PLTP: variants seen among roughly 807,000 people sequenced by gnomAD.
The protein encoded by PLTP is phospholipid transfer protein.
PLTP carries 43 observed loss-of-function variants against 54.1 expected under a neutral mutation model. That is an observed-to-expected ratio of 0.79 (90% CI 0.62 to 1.02). PLTP has a LOEUF of 1.02. Ranked by LOEUF, PLTP falls within the 50% of genes least tolerant of loss-of-function variation. PLTP has a pLI of 0.00. For synonymous variants in PLTP, 263 were observed against 264.6 expected (o/e 0.99, Z 0.06); for missense variants, 604 against 645.9 (o/e 0.94, Z 0.70).
In PLTP at chr20:45,899,611, C is replaced by T. The variant is rs780081043; in HGVS notation, c.1282+11G>A. ...CTCCTTTCTTCCTCCATCCTCACACCCCAGCCTTACCATTGAGCATGGGCA... is the reference window on the plus strand; with the variant it reads ...CTCCTTTCTTCCTCCATCCTCACACTCCAGCCTTACCATTGAGCATGGGCA... On this transcript the variant is annotated intron_variant, in intron 14 of 15. Transcript: ENST00000372431. The T allele has an allele frequency of 1.9e-6, 3 of 1,613,990 alleles. No individual in the cohort carries two copies. The highest frequency in any genetic ancestry group is 1.3e-5 in the African/African-American group (1 of 74,890).
chr20:45,909,953 G>A lies in PLTP; in HGVS notation c.318C>T (p.Leu106=). The A allele has an allele frequency of 1.2e-6, 2 of 1,614,080 alleles. No homozygotes were observed. Among genetic ancestry groups the A allele is most frequent in the Admixed American group, 1.7e-5 (1 of 60,024 alleles). ...SLGLRFRRQL[L]YWFFYDGGYI... is the part of the protein sequence containing the mutation. The stretch of plus-strand genomic sequence containing the variant: ...TGCTGGGTCCTTACAAGAACCAGTA[G>A]AGCAGCTGTCTCCGGAAGCGCAGCC... Residue 106 remains leucine, a synonymous_variant, in exon 4 of 16, where the codon CTC becomes CTT. Coordinates refer to ENST00000372431, the MANE Select transcript of PLTP (RefSeq NM_006227.4).
intron 5 of PLTP, among the ~76,000 whole-genome samples, chr20:45,909,046 C>T (rs1300450308): frequency 6.9e-6 from 1 of 145,568 alleles, no homozygotes; most frequent in Non-Finnish European, 1.5e-5. Flanking sequence ...CTCACTGCAA[C>T]CTCCGCCTCC....
Position 45,902,435 on chromosome 20 carries a change from C to T in PLTP, c.1107+5G>A, listed in dbSNP as rs376766817. 1.4e-5 allele frequency: 23 copies of T among 1,614,110 alleles called. No individual in the cohort carries two copies. The East Asian group carries it at 1.6e-4, about 11-fold the overall frequency. ...AGCCAGCAGCCCCCACTCTGGGACC[C>T]GTACCATAGTCATGCTGGACAGCTG... On this transcript the variant is annotated splice_donor_5th_base_variant and intron_variant, in intron 11 of 15. Coordinates refer to ENST00000372431, the MANE Select transcript of PLTP (RefSeq NM_006227.4).
rs373296330 is a variant in PLTP, at chr20:45,907,828, T to C, written c.549+13A>G. The C allele has an allele frequency of 1.2e-6, 2 of 1,603,986 alleles. No homozygotes were observed. Among genetic ancestry groups the C allele is most frequent in the African/African-American group, 2.7e-5 (2 of 74,856 alleles). ...CCCACCCTTGCCACCCTGCGACCTGTCGCTGCCCACACCTGCTGGTTGAGG... is the reference window on the plus strand; with the variant it reads ...CCCACCCTTGCCACCCTGCGACCTGCCGCTGCCCACACCTGCTGGTTGAGG... On this transcript the variant is annotated intron_variant, in intron 6 of 15. Coordinates refer to ENST00000372431, the MANE Select transcript of PLTP (RefSeq NM_006227.4).
Position 45,900,098 on chromosome 20 carries a change from C to CTT in PLTP, c.1176-222_1176-221dup, listed in dbSNP as rs71181874. Among the ~76,000 whole-genome samples, 34 of 55,742 alleles carry CTT rather than the reference C, an allele frequency of 6.1e-4. 1 individual carries two copies. Among genetic ancestry groups the CTT allele is most frequent in the East Asian group, 1.1e-3 (2 of 1,792 alleles). 36.6% of individuals were successfully genotyped at this position (55,742 alleles called of 152,430 possible). On this transcript the variant is annotated intron_variant, in intron 12 of 15. Transcript: ENST00000372431. ...GCTACTTTTTATTTATTGAGCACCT[C>CTT]TTTTTTTTTTTTTTTTTTTTTTTTT...
intron 7 of PLTP, among the ~76,000 whole-genome samples, chr20:45,907,214 C>T (rs189302225): frequency 1.3e-5 from 2 of 151,666 alleles, no homozygotes; most frequent in Non-Finnish European, 2.9e-5. Flanking sequence ...GTAGTCCCAG[C>T]TACTCGAGAT....
rs1442845802 is a variant in PLTP at position 45,911,229 on chromosome 20, A to C, written c.123T>G (p.Phe41Leu). 1 of 1,613,988 alleles carries C rather than the reference A, an allele frequency of 6.2e-7. No homozygotes were observed. The highest frequency in any genetic ancestry group is 8.5e-7 in the Non-Finnish European group (1 of 1,180,014). Residue 41 changes from phenylalanine (F) to leucine (L), a missense_variant, in exon 3 of 16, where the codon TTT (phenylalanine) becomes TTG (leucine). Coordinates refer to ENST00000372431, the MANE Select transcript of PLTP (RefSeq NM_006227.4). The part of the protein sequence containing the change: ...LELVKQEGLR[F>L]LEQELETITI... Reference sequence around the variant, plus strand: ...TGATAGTCTCCAGCTCTTGCTCCAGAAAGCGCAGCCCCTCCTGCTTCACTG... The same window carrying C: ...TGATAGTCTCCAGCTCTTGCTCCAGCAAGCGCAGCCCCTCCTGCTTCACTG...
intron 13 of PLTP, 58 bp from the exon 14 acceptor site, chr20:45,899,743 T>C: frequency 1.9e-6 from 3 of 1,609,578 alleles, no homozygotes; most frequent in Non-Finnish European, 2.6e-6. Flanking sequence ...TGCCTTTAGC[T>C]GCCCGCAGGT....
chr20:45,908,812 T>C (rs1449105343), intron 5 of PLTP, among the ~76,000 whole-genome samples: 2 of 151,578 alleles, frequency 1.3e-5, no homozygotes, highest in African/African-American at 4.8e-5. Flanking sequence ...AAAAAAAAAA[T>C]TATTATTTTT....
At chr20:45,899,719 G>A (rs774758139) in intron 13 of PLTP, 34 bp from the exon 14 acceptor site, 3 of 1,613,464 alleles carry the variant, frequency 1.9e-6, no homozygotes, top group Non-Finnish European at 1.7e-6. Context: ...AGGGCAGTGA[G>A]TCAGGGTTGG....
At chr20:45,906,447 T>C in intron 7 of PLTP, 88 bp from the exon 8 acceptor site, 1 of 938,128 alleles carries the variant, frequency 1.1e-6, no homozygotes, top group Non-Finnish European at 1.7e-6. Context: ...ACCCATAAAA[T>C]GAGGATACAT....
intron 10 of PLTP, among the ~76,000 whole-genome samples, 172 bp from the exon 11 acceptor site, chr20:45,902,776 C>A (rs1162972995): frequency 6.6e-6 from 1 of 152,370 alleles, no homozygotes; most frequent in African/African-American, 2.4e-5. Context: ...AGCCTTCATG[C>A]CTTTGCCACA....
At chr20:45,900,982 T>G (rs2083179253) in intron 12 of PLTP, among the ~76,000 whole-genome samples, 1 of 152,226 alleles carries the variant, frequency 6.6e-6, no homozygotes, top group Admixed American at 6.5e-5. Flanking sequence ...GTAATTTGCC[T>G]GAAGTCACAC....
chr20:45,908,645 C>CA (rs976212051), intron 5 of PLTP, among the ~76,000 whole-genome samples: 1 of 151,754 alleles, frequency 6.6e-6, no homozygotes, highest in African/African-American at 2.4e-5. Context: ...ACTAAAAATA[C>CA]AAAAAAAGTA....
chr20:45,910,855 A>C, intron 3 of PLTP: 1 of 1,302,418 alleles, frequency 7.7e-7, no homozygotes. Flanking sequence ...TCTATTGGGA[A>C]GTTCCTTGAC....
intron 10 of PLTP, among the ~76,000 whole-genome samples, chr20:45,904,355 A>G (rs573104172): frequency 6.6e-6 from 1 of 152,152 alleles, no homozygotes; most frequent in African/African-American, 2.4e-5. Flanking sequence ...CCAGCTACTC[A>G]AGAGGCTGAA....
chr20:45,911,735 C>T (rs2083296098), intron 1 of PLTP: 1 of 539,712 alleles, frequency 1.9e-6, no homozygotes, highest in South Asian at 2.0e-5. Context: ...GAGTTTGGAC[C>T]TCCAGGGGAC....
Position 45,899,079 on chromosome 20 carries a change from G to C in PLTP, c.1360-16C>G. 1 of 1,614,122 alleles carries C rather than the reference G, an allele frequency of 6.2e-7. No individual in the cohort carries two copies. The highest frequency in any genetic ancestry group is 1.1e-5 in the South Asian group (1 of 91,082). On this transcript the variant is annotated splice_polypyrimidine_tract_variant and intron_variant, in intron 15 of 15. Transcript: ENST00000372431. Reference sequence around the variant, plus strand: ...TGAGGAATCCCTGTGTTGGGGAGAGGGGAGCCTCATTTATTCATTCAGTTA... The same window carrying C: ...TGAGGAATCCCTGTGTTGGGGAGAGCGGAGCCTCATTTATTCATTCAGTTA...
At chr20:45,910,925 GC>G in intron 3 of PLTP, 1 of 1,420,436 alleles carries the variant, frequency 7.0e-7, no homozygotes, top group African/African-American at 1.4e-5. Context: ...TTCCTTCTTG[GC>G]CCCCTCTACA....
Sources: gnomAD v4.1 joint callset for allele counts (sites outside exome capture counted in the v4.1 genomes callset) on GRCh38, gnomAD v4.1.1 for gene constraint, MANE v1.5 for transcripts, NCBI Gene and HGNC (gene_info 2026-07-23, HGNC 2026-07-21) for gene names.